Variants in SBF2 observed in about 807,000 individuals in gnomAD.
The protein encoded by SBF2 is SET binding factor 2.
In SBF2, 112 loss-of-function variants were observed where a neutral mutation model predicts 225.2. The ratio of observed to expected loss-of-function variants is 0.50; its 90% CI spans 0.43 to 0.58. The LOEUF is 0.58. Ranked by LOEUF, SBF2 falls within the 20% of genes least tolerant of loss-of-function variation. SBF2 has a pLI of 0.00. For missense variants in SBF2, 1,996 were observed against 2,206.2 expected (o/e 0.90, Z 1.91); for synonymous variants, 763 against 773.3 (o/e 0.99, Z 0.22).
chr11:10,045,894 T>C (rs1949841310), intron 2 of SBF2, among the ~76,000 whole-genome samples: 1 of 152,138 alleles, frequency 6.6e-6, no homozygotes, highest in Admixed American at 6.5e-5. Context: ...AAGGAAGAAG[T>C]TACAGTCAGC....
At chr11:10,005,912 ATGTACGG>A (rs1422780768) in intron 6 of SBF2, among the ~76,000 whole-genome samples, 1 of 152,112 alleles carries the variant, frequency 6.6e-6, no homozygotes, top group African/African-American at 2.4e-5. Flanking sequence ...GCTCCTGCTG[ATGTACGG>A]TAGCTCACAG....
intron 2 of SBF2, among the ~76,000 whole-genome samples, chr11:10,073,940 G>GA (rs1295718709): frequency 6.6e-6 from 1 of 152,026 alleles, no homozygotes; most frequent in Admixed American, 6.6e-5. Context: ...GTTGTGTTAA[G>GA]AAAAAAGAGG....
intron 16 of SBF2, among the ~76,000 whole-genome samples, chr11:9,951,263 T>A (rs1487749464): frequency 6.6e-6 from 1 of 152,192 alleles, no homozygotes; most frequent in Non-Finnish European, 1.5e-5. Context: ...GGGGCCAAGA[T>A]AAGATCAGAA....
intron 2 of SBF2, among the ~76,000 whole-genome samples, chr11:10,089,895 A>C (rs1951711232): frequency 6.6e-6 from 1 of 152,230 alleles, no homozygotes. Context: ...TAGTCACAGC[A>C]GTATTGTTCA....
At position 10,042,916 on chromosome 11, in the gene SBF2, G is replaced by A; in HGVS notation, c.207C>T (p.Val69=). Residue 69 remains valine (V), a synonymous_variant, in exon 3 of 40, where the codon GTC becomes GTT. Transcript: ENST00000256190. ...ERKQPTFFVV[V]LTDIDSDRHY... ...GTCGATCTGAGTCAATGTCTGTCAG[G>A]ACAACCACAAAGAACGTTGGCTGCT... is the stretch of plus-strand genomic sequence containing the variant. 6.2e-7 allele frequency: 1 copy of A among 1,613,850 alleles called. No homozygotes were observed. Among genetic ancestry groups the A allele is most frequent in the Non-Finnish European group, 8.5e-7 (1 of 1,179,894 alleles).
intron 16 of SBF2, among the ~76,000 whole-genome samples, chr11:9,927,527 C>G (rs1339122917): frequency 6.6e-6 from 1 of 152,050 alleles, no homozygotes; most frequent in East Asian, 1.9e-4. Context: ...TGGAGTCAGT[C>G]TGGGCAAGAT....
At chr11:10,025,533 T>C (rs1444099735) in intron 6 of SBF2, among the ~76,000 whole-genome samples, 1 of 152,170 alleles carries the variant, frequency 6.6e-6, no homozygotes, top group Non-Finnish European at 1.5e-5. Flanking sequence ...GCTCACTTCA[T>C]TTTCTCCTGG....
In SBF2 at chr11:9,800,437, C is replaced by T. The variant is rs374727740; in HGVS notation, c.4444-4480G>A. Among the ~76,000 whole-genome samples, 42 of 151,940 alleles carry T rather than the reference C, an allele frequency of 2.8e-4. 4 individuals are homozygous for T. Among genetic ancestry groups the T allele is most frequent in the East Asian group, 2.1e-3 (11 of 5,166 alleles). On this transcript the variant is annotated intron_variant, in intron 32 of 39. Transcript: ENST00000256190. ...TTATTATTTTTTTGAGATGGAGTCT[C>T]GCTCTGTTGCCCAGGCTGGAGTGCA...
intron 16 of SBF2, among the ~76,000 whole-genome samples, chr11:9,944,341 G>A (rs1273804755): frequency 6.6e-6 from 1 of 152,128 alleles, no homozygotes; most frequent in Non-Finnish European, 1.5e-5. Context: ...TGGGCACACA[G>A]ATATATTTTA....
At chr11:10,040,341 T>TAATAA (rs1301736103) in intron 3 of SBF2, among the ~76,000 whole-genome samples, 1 of 151,948 alleles carries the variant, frequency 6.6e-6, no homozygotes, top group Non-Finnish European at 1.5e-5. Flanking sequence ...GGAACACAGG[T>TAATAA]AATATTCCAA....
intron 1 of SBF2, among the ~76,000 whole-genome samples, chr11:10,278,549 G>C (rs763838509): frequency 6.6e-6 from 1 of 152,050 alleles, no homozygotes. Context: ...GGGAGGCCAA[G>C]GCGGGTGGAT....
chr11:9,895,021 G>A (rs1861125528), intron 17 of SBF2, among the ~76,000 whole-genome samples: 1 of 152,042 alleles, frequency 6.6e-6, no homozygotes. Context: ...AAATTTCTCT[G>A]TTCAAATTAC....
intron 8 of SBF2, among the ~76,000 whole-genome samples, chr11:10,000,248 AC>A (rs1947901586): frequency 6.6e-6 from 1 of 152,212 alleles, no homozygotes; most frequent in African/African-American, 2.4e-5. Context: ...ACTTACTTTT[AC>A]CTATCAAATA....
At position 9,858,303 on chromosome 11, in the gene SBF2, T is replaced by C. The variant is rs1292571534; in HGVS notation, c.2023A>G (p.Asn675Asp). 6.2e-7 allele frequency: 1 copy of C among 1,614,198 alleles called. No homozygotes were observed. The highest frequency in any genetic ancestry group is 1.7e-5 in the Admixed American group (1 of 60,032). The change falls in exon 18 of 40, where the codon AAT (asparagine) becomes GAT (aspartate). Residue 675 changes from asparagine to aspartate, a missense_variant. By Grantham distance (23) the Asn-to-Asp change is conservative. Transcript: ENST00000256190. The stretch of plus-strand genomic sequence containing the variant: ...GAGCGAACCTGTTCCTGCACTGCAT[T>C]GTAAAAGGTTGTCTCCCAAAATTGC... Reference protein sequence around the residue: ...NQQFWETTFYNAVQEQVRSLY... With the variant: ...NQQFWETTFYDAVQEQVRSLY...
intron 1 of SBF2, among the ~76,000 whole-genome samples, chr11:10,214,378 C>A (rs897155099): frequency 6.6e-6 from 1 of 152,256 alleles, no homozygotes; most frequent in African/African-American, 2.4e-5. Context: ...AATCCCAACA[C>A]TTTTGGAGTC....
chr11:9,895,019 C>T (rs191468794), intron 17 of SBF2, among the ~76,000 whole-genome samples: 1 of 152,206 alleles, frequency 6.6e-6, no homozygotes, highest in East Asian at 1.9e-4. Flanking sequence ...CAAAATTTCT[C>T]TGTTCAAATT....
chr11:10,153,502 A>C (rs1326626243), intron 2 of SBF2, among the ~76,000 whole-genome samples: 1 of 152,178 alleles, frequency 6.6e-6, no homozygotes, highest in Non-Finnish European at 1.5e-5. Context: ...AATTTAATAA[A>C]GTTTGTGAGA....
At chr11:9,991,089 T>C (rs1171578728) in intron 12 of SBF2, among the ~76,000 whole-genome samples, 1 of 152,180 alleles carries the variant, frequency 6.6e-6, no homozygotes, top group Non-Finnish European at 1.5e-5. Flanking sequence ...AGAAAAGACC[T>C]TGGAGAGCAT....
At chr11:10,290,382 T>C (rs1361981609) in intron 1 of SBF2, among the ~76,000 whole-genome samples, 1 of 151,950 alleles carries the variant, frequency 6.6e-6, no homozygotes, top group Non-Finnish European at 1.5e-5. Context: ...TATCTTCCAA[T>C]GGAAGCAACT....
Sources: allele counts gnomAD v4.1 joint callset (sites outside exome capture counted in the v4.1 genomes callset), GRCh38; gene constraint gnomAD v4.1.1; transcripts MANE v1.5; gene names NCBI Gene and HGNC (gene_info 2026-07-23, HGNC 2026-07-21).